The following PRIM2 variants were observed in gnomAD, a reference collection of about 807,000 sequenced individuals.
The protein encoded by PRIM2 is DNA primase subunit 2.
Under a neutral mutation model 67.3 loss-of-function variants are expected in PRIM2, and 39 were observed. The ratio of observed to expected loss-of-function variants is 0.58; its 90% CI spans 0.45 to 0.76. PRIM2 has a LOEUF of 0.76. Among genes scored for constraint, PRIM2 ranks in the 30% least tolerant of loss-of-function variants. PRIM2 has a pLI of 0.00. For synonymous variants in PRIM2, 143 were observed against 198.7 expected, an observed-to-expected ratio of 0.72 and a Z score of 2.36; for missense variants, 398 against 598.7, an observed-to-expected ratio of 0.66 and a Z score of 3.50.
intron 10 of PRIM2, among the ~76,000 whole-genome samples, chr6:57,571,566 C>T (rs1438139348): frequency 1.3e-5 from 2 of 152,174 alleles, no homozygotes; most frequent in Non-Finnish European, 2.9e-5. Flanking sequence ...GGGAGAATTG[C>T]TTCCACCTGG....
chr6:57,344,647 A>G (rs1019962999), intron 5 of PRIM2, among the ~76,000 whole-genome samples: 5 of 152,180 alleles, frequency 3.3e-5, no homozygotes, highest in African/African-American at 1.2e-4. Flanking sequence ...TATTTTATGT[A>G]TATTTATTGG....
At chr6:57,615,216 G>A (rs1257192010) in intron 12 of PRIM2, among the ~76,000 whole-genome samples, 3 of 151,998 alleles carry the variant, frequency 2.0e-5, no homozygotes, top group East Asian at 3.9e-4. Context: ...CCAGGAGTTC[G>A]AGACCAGCCT....
At chr6:57,528,164 G>C (rs1173641202) in intron 8 of PRIM2, among the ~76,000 whole-genome samples, 10 of 148,848 alleles carry the variant, frequency 6.7e-5, no homozygotes, top group African/African-American at 2.5e-4. Flanking sequence ...ATGATGTCTT[G>C]CTATATGTTG....
At chr6:57,258,993 C>A in the PRIM2 span, among the ~76,000 whole-genome samples, 1 of 152,084 alleles carries the variant, frequency 6.6e-6, no homozygotes, top group East Asian at 1.9e-4. Flanking sequence ...AAATATTGAC[C>A]ATAACTTACA....
At chr6:57,515,908 A>G (rs1257969117) in intron 8 of PRIM2, among the ~76,000 whole-genome samples, 1 of 152,112 alleles carries the variant, frequency 6.6e-6, no homozygotes, top group Non-Finnish European at 1.5e-5. Context: ...GCTCTGGGGA[A>G]GAATTTACTT....
chr6:57,293,391 G>A, the PRIM2 span, among the ~76,000 whole-genome samples: 2 of 152,196 alleles, frequency 1.3e-5, no homozygotes, highest in East Asian at 3.8e-4. Context: ...GTTGGTGGGA[G>A]TGTAAATTAG....
the PRIM2 span, among the ~76,000 whole-genome samples, chr6:57,296,321 A>G: frequency 1.3e-5 from 2 of 151,456 alleles, no homozygotes; most frequent in African/African-American, 2.4e-5. Context: ...GCAATTCTGC[A>G]TCTACTTTAT....
chr6:57,346,993 T>C (rs1768697529), intron 5 of PRIM2, among the ~76,000 whole-genome samples: 2 of 152,112 alleles, frequency 1.3e-5, no homozygotes, highest in Admixed American at 6.6e-5. Flanking sequence ...TCTGGACTTG[T>C]CTCCATTTAT....
At chr6:57,304,157 A>G in the PRIM2 span, among the ~76,000 whole-genome samples, 1 of 152,162 alleles carries the variant, frequency 6.6e-6, no homozygotes, top group Non-Finnish European at 1.5e-5. Flanking sequence ...TACAATTTGA[A>G]AATAACACAG....
At chr6:57,259,911 T>C in the PRIM2 span, among the ~76,000 whole-genome samples, 7 of 152,314 alleles carry the variant, frequency 4.6e-5, no homozygotes, top group South Asian at 1.0e-3. Flanking sequence ...AAGTCTGACC[T>C]CTTGCCTCAA....
chr6:57,370,677 A>G (rs1769517587), intron 5 of PRIM2, among the ~76,000 whole-genome samples: 1 of 150,164 alleles, frequency 6.7e-6, no homozygotes, highest in Non-Finnish European at 1.5e-5. Context: ...TGAATTCCTT[A>G]GAATTCTATC....
chr6:57,467,531 G>A (rs1428550356), intron 7 of PRIM2, among the ~76,000 whole-genome samples: 2 of 152,024 alleles, frequency 1.3e-5, no homozygotes, highest in African/African-American at 2.4e-5. Context: ...TACTGTAGCC[G>A]TATAGTATAG....
chr6:57,566,212 GACTT>G, intron 10 of PRIM2, among the ~76,000 whole-genome samples: 1 of 145,686 alleles, frequency 6.9e-6, no homozygotes, highest in East Asian at 2.1e-4. Flanking sequence ...TAGCTCTAAA[GACTT>G]ACGTAGATTC....
At chr6:57,293,159 T>C in the PRIM2 span, among the ~76,000 whole-genome samples, 2 of 151,988 alleles carry the variant, frequency 1.3e-5, no homozygotes, top group South Asian at 2.1e-4. Context: ...AACAACCCCA[T>C]CAAAACGTGG....
intron 7 of PRIM2, among the ~76,000 whole-genome samples, chr6:57,479,180 G>A (rs1272921636): frequency 6.6e-6 from 1 of 152,152 alleles, no homozygotes; most frequent in Non-Finnish European, 1.5e-5. Context: ...CAGTCATTCC[G>A]TATAATTTTG....
the PRIM2 span, among the ~76,000 whole-genome samples, chr6:57,307,232 A>G: frequency 7.0e-6 from 1 of 142,804 alleles, no homozygotes; most frequent in East Asian, 2.1e-4. Context: ...AAAAAAAAAT[A>G]AAAAAATAAA....
chr6:57,525,554 C>T (rs1461838668), intron 8 of PRIM2, among the ~76,000 whole-genome samples: 2 of 152,192 alleles, frequency 1.3e-5, no homozygotes, highest in African/African-American at 4.8e-5. Context: ...ACCCCTTCCG[C>T]CCATGGCTCA....
intron 7 of PRIM2, among the ~76,000 whole-genome samples, chr6:57,392,458 G>C (rs1403470204): frequency 6.6e-6 from 1 of 151,830 alleles, no homozygotes; most frequent in Non-Finnish European, 1.5e-5. Flanking sequence ...TAATCCATCT[G>C]ATTCTAAAAA....
chr6:57,236,361 CT>C, the PRIM2 span, among the ~76,000 whole-genome samples: 17,199 of 152,004 alleles, frequency 0.11, 1,313 homozygotes, highest in African/African-American at 0.21. Context: ...TTATTTGCCT[CT>C]AGCCTCCACC....
Sources: gnomAD v4.1 joint callset for allele counts (sites outside exome capture counted in the v4.1 genomes callset) on GRCh38, gnomAD v4.1.1 for gene constraint, MANE v1.5 for transcripts, NCBI Gene and HGNC (gene_info 2026-07-23, HGNC 2026-07-21) for gene names.